The following AFG3L2 variants were observed in gnomAD, a reference collection of about 807,000 sequenced individuals.
AFG3L2 encodes the protein mitochondrial inner membrane m-AAA protease component AFG3L2.
Under a neutral mutation model 94.5 loss-of-function variants are expected in AFG3L2, and 54 were observed. That is an observed-to-expected ratio of 0.57 (90% CI 0.46 to 0.72). The LOEUF (loss-of-function observed/expected upper bound fraction) is 0.72. Ranked by LOEUF, AFG3L2 falls within the 30% of genes least tolerant of loss-of-function variation. The pLI is 0.00. For missense variants in AFG3L2, 754 were observed against 994.9 expected, an observed-to-expected ratio of 0.76 and a Z score of 3.26; for synonymous variants, 377 against 365.5, an observed-to-expected ratio of 1.03 and a Z score of -0.36.
chr18:12,334,254 G>GT (rs1044485621), intron 16 of AFG3L2, among the ~76,000 whole-genome samples: 1 of 152,220 alleles, frequency 6.6e-6, no homozygotes, highest in African/African-American at 2.4e-5. Context: ...ACTGTCCAGT[G>GT]TTTCAAGAGC....
At position 12,354,168 on chromosome 18, in the gene AFG3L2, G is replaced by A. The variant is rs115753631; in HGVS notation, c.1165-1010C>T. On this transcript the variant is annotated intron_variant, in intron 9 of 16. Transcript: ENST00000269143. ...CCCACTTCACTGGACAGAAGTCCAGGTCTTCCTGCCTGGATTTCTGGATGT... is the reference window on the plus strand; with the variant it reads ...CCCACTTCACTGGACAGAAGTCCAGATCTTCCTGCCTGGATTTCTGGATGT... 2.7e-3 allele frequency among the ~76,000 whole-genome samples: 331 copies of A among 121,724 alleles called. 1 individual carries two copies. The highest frequency in any genetic ancestry group is 0.011 in the African/African-American group (318 of 29,950). 79.9% of individuals were successfully genotyped at this position (121,724 alleles called of 152,430 possible).
At chr18:12,352,969 A>C (rs371329286) in intron 10 of AFG3L2, 36 bp downstream of exon 10, 240 of 1,610,834 alleles carry the variant, frequency 1.5e-4, no homozygotes, top group Non-Finnish European at 2.0e-4. Flanking sequence ...AAAAAACAAA[A>C]GTGCAGTTAA....
intron 1 of AFG3L2, among the ~76,000 whole-genome samples, chr18:12,373,675 G>A (rs986231484): frequency 6.6e-6 from 1 of 152,166 alleles, no homozygotes; most frequent in Non-Finnish European, 1.5e-5. Flanking sequence ...TGGGCTTATG[G>A]TGAGGGTCAC....
At chr18:12,359,298 G>C (rs1908586355) in intron 7 of AFG3L2, among the ~76,000 whole-genome samples, 1 of 152,136 alleles carries the variant, frequency 6.6e-6, no homozygotes, top group African/African-American at 2.4e-5. Context: ...AGATGGGAAT[G>C]GCACTCTTTG....
At chr18:12,359,605 G>A (rs1281608034) in intron 7 of AFG3L2, among the ~76,000 whole-genome samples, 2 of 152,074 alleles carry the variant, frequency 1.3e-5, no homozygotes, top group Non-Finnish European at 2.9e-5. Context: ...TGGGCATGGT[G>A]GTGGAAGCCT....
chr18:12,332,775 C>T (rs893852053), intron 16 of AFG3L2, among the ~76,000 whole-genome samples: 6 of 147,770 alleles, frequency 4.1e-5, no homozygotes, highest in Non-Finnish European at 5.9e-5. Flanking sequence ...TCTGCATATA[C>T]GTAAGGGAAA....
At chr18:12,356,957 A>C in intron 8 of AFG3L2, 126 bp from the exon 9 acceptor site, 1 of 934,746 alleles carries the variant, frequency 1.1e-6, no homozygotes, top group Non-Finnish European at 1.6e-6. Flanking sequence ...ATATTACTTA[A>C]ACATCTGAGC....
chr18:12,342,104 G>A (rs1907970485), intron 14 of AFG3L2: 1 of 152,154 alleles, frequency 6.6e-6, no homozygotes, highest in Non-Finnish European at 1.5e-5. Context: ...AACCTCAAGT[G>A]ATCCGCCTGC....
At chr18:12,367,525 AAAG>A in intron 3 of AFG3L2, 143 bp from the exon 4 acceptor site, 1 of 788,228 alleles carries the variant, frequency 1.3e-6, no homozygotes, top group Non-Finnish European at 2.2e-6. Context: ...GCACTATGAG[AAAG>A]AATACAAATA....
In AFG3L2 at chr18:12,337,323, CCCACAACTGG is replaced by C. The variant is rs1907779174; in HGVS notation, c.2175+8_2175+17del. ...TTTTGCAAAACTGTAAAGAATTATT[CCCACAACTGG>C]CACCTACCTTCTCCACGTCAGCTTT... On this transcript the variant is annotated splice_region_variant and intron_variant, in intron 16 of 16. Transcript: ENST00000269143. 1.2e-6 allele frequency: 2 copies of C among 1,611,484 alleles called. No individual in the cohort carries two copies. The highest frequency in any genetic ancestry group is 1.7e-6 in the Non-Finnish European group (2 of 1,178,010).
rs1241451328 is a variant in AFG3L2, at chr18:12,356,775, T to A, written c.1083A>T (p.Thr361=). The A allele has an allele frequency of 3.7e-6, 6 of 1,614,124 alleles. No individual in the cohort carries two copies. Among genetic ancestry groups the A allele is most frequent in the Non-Finnish European group, 5.1e-6 (6 of 1,180,054 alleles). Residue 361 remains threonine, a synonymous_variant, in exon 9 of 17, where the codon ACA becomes ACT. Coordinates refer to ENST00000269143, the MANE Select transcript of AFG3L2 (RefSeq NM_006796.3). ...GTGKTLLAKA[T]AGEANVPFIT... The stretch of plus-strand genomic sequence containing the variant: ...TGAAGGGGACATTGGCTTCTCCGGC[T>A]GTGGCCTTAGCTAGCAGCGTCTTCC...
intron 13 of AFG3L2, among the ~76,000 whole-genome samples, chr18:12,347,397 T>G (rs1043843185): frequency 6.6e-6 from 1 of 152,222 alleles, no homozygotes; most frequent in Non-Finnish European, 1.5e-5. Flanking sequence ...TTCCTTTGAA[T>G]GCCCAAGTTC....
chr18:12,347,141 C>T (rs959892077), intron 13 of AFG3L2, among the ~76,000 whole-genome samples: 4 of 151,924 alleles, frequency 2.6e-5, no homozygotes, highest in Non-Finnish European at 5.9e-5. Flanking sequence ...AACAAAAAAA[C>T]AAAACAAAAC....
In AFG3L2 at chr18:12,370,856, C is replaced by T; in HGVS notation, c.285G>A (p.Glu95=). The change falls in exon 3 of 17, where the codon GAG becomes GAA. Residue 95 remains glutamate (E), a synonymous_variant. Transcript: ENST00000269143. ...KASEPKEVMG[E]KKESKPAATT... is the part of the protein sequence containing the mutation. Reference sequence around the variant, plus strand: ...AATATTGTCAAAAGGTACCTTTTTTCTCTCCCATAACTTCTTTAGGTTCAC... The same window carrying T: ...AATATTGTCAAAAGGTACCTTTTTTTTCTCCCATAACTTCTTTAGGTTCAC... 6.3e-7 allele frequency: 1 copy of T among 1,579,572 alleles called. No homozygotes were observed. Among genetic ancestry groups the T allele is most frequent in the Non-Finnish European group, 8.7e-7 (1 of 1,151,238 alleles).
chr18:12,339,778 G>A (rs1394289281), intron 15 of AFG3L2, among the ~76,000 whole-genome samples: 10 of 150,234 alleles, frequency 6.7e-5, no homozygotes, highest in Non-Finnish European at 1.0e-4. Context: ...GAACCTGGGA[G>A]GCAGAGCTTG....
intron 6 of AFG3L2, 27 bp downstream of exon 6, chr18:12,363,755 T>A: frequency 6.3e-7 from 1 of 1,576,404 alleles, no homozygotes; most frequent in Non-Finnish European, 8.7e-7. Flanking sequence ...TTACAACTAA[T>A]TCACATCAAT....
intron 1 of AFG3L2, among the ~76,000 whole-genome samples, chr18:12,373,831 G>C (rs1203904199): frequency 6.6e-6 from 1 of 152,080 alleles, no homozygotes; most frequent in East Asian, 1.9e-4. Flanking sequence ...TCCCAATACA[G>C]CTCACAGAAC....
chr18:12,335,713 C>T (rs1291194448), intron 16 of AFG3L2, among the ~76,000 whole-genome samples: 1 of 152,242 alleles, frequency 6.6e-6, no homozygotes, highest in Non-Finnish European at 1.5e-5. Context: ...CTTCCTTCAG[C>T]TCTATGACCT....
chr18:12,374,639 T>A (rs564675214), intron 1 of AFG3L2, among the ~76,000 whole-genome samples: 2 of 152,176 alleles, frequency 1.3e-5, no homozygotes, highest in Non-Finnish European at 2.9e-5. Context: ...ATCTGAGTGA[T>A]ACAGGGACAA....
Sources: gnomAD v4.1 joint callset for allele counts (sites outside exome capture counted in the v4.1 genomes callset) on GRCh38, gnomAD v4.1.1 for gene constraint, MANE v1.5 for transcripts, NCBI Gene and HGNC (gene_info 2026-07-23, HGNC 2026-07-21) for gene names.